The following PTCD1 variants were observed in gnomAD, a reference collection of about 807,000 sequenced individuals.
PTCD1 encodes the protein pentatricopeptide repeat domain 1.
In PTCD1, 50 loss-of-function variants were observed where a neutral mutation model predicts 53.4. The ratio of observed to expected loss-of-function variants is 0.94; its 90% confidence interval spans 0.75 to 1.19. The LOEUF (loss-of-function observed/expected upper bound fraction) is 1.19. Among genes scored for constraint, PTCD1 ranks in the 50% most tolerant of loss-of-function variants. PTCD1 has a pLI of 0.00. For missense variants in PTCD1, 918 were observed against 904.8 expected, an observed-to-expected ratio of 1.01 and a Z score of -0.19; for synonymous variants, 413 against 394.8, an observed-to-expected ratio of 1.05 and a Z score of -0.55.
intron 7 of PTCD1, among the ~76,000 whole-genome samples, chr7:99,420,420 A>G (rs1795751730): frequency 1.3e-5 from 2 of 152,082 alleles, no homozygotes; most frequent in Admixed American, 6.6e-5. Context: ...CTCCATCCGC[A>G]GTTGCCACCC....
intron 1 of PTCD1, among the ~76,000 whole-genome samples, chr7:99,437,700 C>CT (rs1316186473): frequency 6.6e-6 from 1 of 152,054 alleles, no homozygotes; most frequent in African/African-American, 2.4e-5. Flanking sequence ...GCGTCTCACT[C>CT]TGTCACCAGG....
chr7:99,419,467 T>C lies in PTCD1; in HGVS notation c.*500A>G, dbSNP rs777559091. 12 of 1,608,952 alleles carry C rather than the reference T, an allele frequency of 7.5e-6. No homozygotes were observed. In the African/African-American group the frequency reaches 9.3e-5, roughly 13 times the overall value. On this transcript the variant is annotated 3_prime_UTR_variant, in exon 8 of 8. Transcript: ENST00000292478. The stretch of plus-strand genomic sequence containing the variant: ...GGCTGGCGCGCTCCACCCTGGACTC[T>C]GGACTTCGCAGGTTCCTGCCTGTCA...
intron 3 of PTCD1, among the ~76,000 whole-genome samples, chr7:99,432,214 G>GA (rs1485746651): frequency 1.3e-5 from 2 of 152,180 alleles, no homozygotes; most frequent in African/African-American, 4.8e-5. Flanking sequence ...GAGGGTTAGT[G>GA]AAAGAGGAAG....
rs548346307 is a variant in PTCD1 at position 99,419,602 on chromosome 7, C to G, written c.*365G>C. ...CAGCTGTGATTTGTAAAAATAAAAT[C>G]TTTAAATCTCTCGAGCCCCACGTCT... On this transcript the variant is annotated 3_prime_UTR_variant, in exon 8 of 8. Coordinates refer to ENST00000292478, the MANE Select transcript of PTCD1 (RefSeq NM_015545.4). 4.6e-6 allele frequency: 4 copies of G among 877,334 alleles called. No homozygotes were observed. In the East Asian group the frequency reaches 1.1e-4, roughly 23 times the overall value. The allele number at this position is 877,334 out of a possible 1,614,324, so 54.3% of individuals were successfully genotyped here.
At position 99,433,332 on chromosome 7, in the gene PTCD1, A is replaced by T. The variant is rs926299605; in HGVS notation, c.540T>A (p.Ile180=). Residue 180 remains isoleucine (I), a synonymous_variant, in exon 3 of 8, where the codon ATT becomes ATA. Coordinates refer to ENST00000292478, the MANE Select transcript of PTCD1 (RefSeq NM_015545.4). The part of the protein sequence containing the change: ...QPMESNYTVL[I]GGCGRVGYLK... ...GGTAGCCAACCCGCCCGCAGCCCCC[A>T]ATCAGCACCGTGTAGTTGCTCTCCA... 6.2e-7 allele frequency: 1 copy of T among 1,614,120 alleles called. No individual in the cohort carries two copies. Among genetic ancestry groups the T allele is most frequent in the South Asian group, 1.1e-5 (1 of 91,082 alleles).
In PTCD1 at chr7:99,419,852, C is replaced by A. The variant is rs111356139; in HGVS notation, c.*115G>T. On this transcript the variant is annotated 3_prime_UTR_variant, in exon 8 of 8. Transcript: ENST00000292478. ...CCTCACCAACACCTGTGACACGCTG[C>A]GGCTGTTCCTCAGGGCCTGGCTCTT... is the stretch of plus-strand genomic sequence containing the variant. 6 of 1,552,144 alleles carry A rather than the reference C, an allele frequency of 3.9e-6. No homozygotes were observed. Among genetic ancestry groups the A allele is most frequent in the Non-Finnish European group, 4.4e-6 (5 of 1,139,958 alleles).
In PTCD1 at chr7:99,435,168, G is replaced by T; in HGVS notation, c.75C>A (p.Asp25Glu). ...PMGLFILQHL[D>E]PCRARWAGGR... is the part of the protein sequence containing the mutation. ...CTCCTGCCCACCTGGCTCTACAGGG[G>T]TCCAGGTGTTGCAGGATGAACAGTC... Residue 25 changes from aspartate (D) to glutamate (E), a missense_variant, in exon 2 of 8, where the codon GAC (aspartate) becomes GAA (glutamate). Asp to Glu is a conservative substitution (Grantham distance 45). Coordinates refer to ENST00000292478, the MANE Select transcript of PTCD1 (RefSeq NM_015545.4). 6.2e-7 allele frequency: 1 copy of T among 1,604,656 alleles called. No homozygotes were observed. The highest frequency in any genetic ancestry group is 1.1e-5 in the South Asian group (1 of 90,998).
In PTCD1 at chr7:99,425,283, T is replaced by C; in HGVS notation, c.1249A>G (p.Lys417Glu). 1.2e-6 allele frequency: 2 copies of C among 1,613,912 alleles called. No homozygotes were observed. Among genetic ancestry groups the C allele is most frequent in the African/African-American group, 1.3e-5 (1 of 75,018 alleles). Residue 417 changes from lysine (K) to glutamate (E), a missense_variant, in exon 6 of 8, where the codon AAG (lysine) becomes GAG (glutamate). By Grantham distance (56) the Lys-to-Glu change is moderately conservative (BLOSUM62 1). Transcript: ENST00000292478. ...PGKAQPEVDT[K>E]AEPSHTAALT... ...GCTGCTGTGTGGCTGGGCTCTGCCT[T>C]AGTATCCACCTCTGGTTGGGCCTTG...
rs1406271796 is a variant in PTCD1, at chr7:99,429,582, C to T, written c.813+6G>A. ...AAGGGGAGCAGGACGGCAGGGGAAG[C>T]CCCACCTTGAACACATCGAGGCACA... is the stretch of plus-strand genomic sequence containing the variant. On this transcript the variant is annotated splice_donor_region_variant and intron_variant, in intron 4 of 7. Transcript: ENST00000292478. 5 of 1,614,068 alleles carry T rather than the reference C, an allele frequency of 3.1e-6. No homozygotes were observed. The highest frequency in any genetic ancestry group is 4.2e-6 in the Non-Finnish European group (5 of 1,180,038).
chr7:99,429,931 G>T, intron 3 of PTCD1, 125 bp from the exon 4 acceptor site: 1 of 1,227,092 alleles, frequency 8.1e-7, no homozygotes, highest in Non-Finnish European at 1.2e-6. Context: ...CAGGCTCTAA[G>T]GCAGAGCCAT....
In PTCD1 at chr7:99,417,574, G is replaced by A. The variant is rs763852555; in HGVS notation, c.*2393C>T. 5 of 1,612,730 alleles carry A rather than the reference G, an allele frequency of 3.1e-6. No individual in the cohort carries two copies. The Admixed American group carries it at 6.7e-5, about 21-fold the overall frequency. Reference sequence around the variant, plus strand: ...TCGGGACGAACTGCATCTGCCGCGTGCCCAAAAGCAAGCTGGAAGTGGTAA... The same window carrying A: ...TCGGGACGAACTGCATCTGCCGCGTACCCAAAAGCAAGCTGGAAGTGGTAA... On this transcript the variant is annotated 3_prime_UTR_variant, in exon 8 of 8. Coordinates refer to ENST00000292478, the MANE Select transcript of PTCD1 (RefSeq NM_015545.4).
intron 6 of PTCD1, 87 bp from the exon 7 acceptor site, chr7:99,424,044 C>T (rs764905025): frequency 3.7e-5 from 57 of 1,549,614 alleles, no homozygotes; most frequent in Admixed American, 9.7e-5. Context: ...AGCTGGCTCC[C>T]GGGACCAGCG....
At chr7:99,428,271 T>C (rs112720361) in intron 5 of PTCD1, among the ~76,000 whole-genome samples, 11,593 of 150,724 alleles carry the variant, frequency 0.077, 666 homozygotes, top group African/African-American at 0.16. Context: ...GGCATGGTGG[T>C]GGGCGCCTAT....
At chr7:99,435,838 G>A (rs1326029046) in intron 1 of PTCD1, among the ~76,000 whole-genome samples, 1 of 151,342 alleles carries the variant, frequency 6.6e-6, no homozygotes, top group Non-Finnish European at 1.5e-5. Context: ...AGGAGACTGA[G>A]GTAGGAGAAT....
intron 1 of PTCD1, 70 bp from the exon 2 acceptor site, chr7:99,435,338 G>T (rs1796418836): frequency 6.4e-7 from 1 of 1,571,700 alleles, no homozygotes; most frequent in Non-Finnish European, 8.6e-7. Flanking sequence ...AGAAAGAAGT[G>T]GTTACAAGTA....
chr7:99,418,610 C>G lies in PTCD1; in HGVS notation c.*1357G>C, dbSNP rs966211516. ...GAGCAGTGGGGGCGAGCAAGGGCCG[C>G]CTCCCCGACGGAAGACTGGGGTGTT... On this transcript the variant is annotated 3_prime_UTR_variant, in exon 8 of 8. Coordinates refer to ENST00000292478, the MANE Select transcript of PTCD1 (RefSeq NM_015545.4). The G allele has an allele frequency of 7.9e-5, 12 of 152,698 alleles. No individual in the cohort carries two copies. The highest frequency in any genetic ancestry group is 2.6e-4 in the African/African-American group (11 of 41,586). The allele number at this position is 152,698 out of a possible 1,614,324, so 9.5% of individuals were successfully genotyped here. A position where few individuals can be genotyped will look rare whatever the true frequency, so the allele number is the denominator to read the frequency against.
In PTCD1 at chr7:99,417,587, C is replaced by T; in HGVS notation, c.*2380G>A. The T allele has an allele frequency of 1.9e-6, 3 of 1,612,034 alleles. No individual in the cohort carries two copies. Among genetic ancestry groups the T allele is most frequent in the Non-Finnish European group, 2.5e-6 (3 of 1,179,944 alleles). On this transcript the variant is annotated 3_prime_UTR_variant, in exon 8 of 8. Coordinates refer to ENST00000292478, the MANE Select transcript of PTCD1 (RefSeq NM_015545.4). ...CATCTGCCGCGTGCCCAAAAGCAAG[C>T]TGGAAGTGGTAATGTCTGACACTCA...
In PTCD1 at chr7:99,417,395, A is replaced by G. The variant is rs1430774808; in HGVS notation, c.*2572T>C. 2 of 1,608,250 alleles carry G rather than the reference A, an allele frequency of 1.2e-6. No homozygotes were observed. The highest frequency in any genetic ancestry group is 1.7e-6 in the Non-Finnish European group (2 of 1,175,022). On this transcript the variant is annotated 3_prime_UTR_variant, in exon 8 of 8. Coordinates refer to ENST00000292478, the MANE Select transcript of PTCD1 (RefSeq NM_015545.4). ...CAAGGGTGGGGAAGGTTTTTAGACC[A>G]TGGCCTGATGCTCTTTCCCCATCTT...
chr7:99,428,229 C>A (rs956017250), intron 5 of PTCD1, among the ~76,000 whole-genome samples: 1 of 151,734 alleles, frequency 6.6e-6, no homozygotes, highest in South Asian at 2.1e-4. Flanking sequence ...GAAACTCTGT[C>A]TCTACTAAAA....
Sources: gnomAD v4.1 joint callset for allele counts (sites outside exome capture counted in the v4.1 genomes callset) on GRCh38, gnomAD v4.1.1 for gene constraint, MANE v1.5 for transcripts, NCBI Gene and HGNC (gene_info 2026-07-23, HGNC 2026-07-21) for gene names.